Variants in PDE4D observed in about 807,000 individuals in gnomAD.
The protein encoded by PDE4D is 3',5'-cyclic-AMP phosphodiesterase 4D.
In PDE4D, 24 loss-of-function variants were observed where a neutral mutation model predicts 87.4. That is an observed-to-expected ratio of 0.27 (90% confidence interval 0.20 to 0.39). PDE4D has a LOEUF of 0.39. PDE4D is among the 10% of genes least tolerant of loss of function. The pLI, the probability that PDE4D is intolerant of heterozygous loss-of-function variation, is 1.00. For synonymous variants in PDE4D, 384 were observed against 383.2 expected (o/e 1.00, Z -0.02); for missense variants, 714 against 1,041.0 (o/e 0.69, Z 4.32).
chr5:60,160,786 T>A, intron 2 of PDE4D: 1 of 451,720 alleles, frequency 2.2e-6, no homozygotes, highest in Non-Finnish European at 4.4e-6. Flanking sequence ...CTAGTATTCC[T>A]GTCTTCCTCT....
chr5:59,724,459 G>C (rs990450215), intron 1 of PDE4D, among the ~76,000 whole-genome samples: 2 of 152,064 alleles, frequency 1.3e-5, no homozygotes, highest in Admixed American at 6.6e-5. Flanking sequence ...TTGTCACCCA[G>C]GTAATGGGCA....
At chr5:59,487,757 A>G (rs1167183028) in intron 1 of PDE4D, among the ~76,000 whole-genome samples, 1 of 152,136 alleles carries the variant, frequency 6.6e-6, no homozygotes, top group Admixed American at 6.5e-5. Flanking sequence ...TTTCAAAGCA[A>G]CCTCTGAATT....
intron 1 of PDE4D, among the ~76,000 whole-genome samples, chr5:59,786,034 G>A (rs1399825489): frequency 6.6e-6 from 1 of 152,106 alleles, no homozygotes; most frequent in Non-Finnish European, 1.5e-5. Context: ...TCTTCTGGTA[G>A]GTGAACAGAA....
chr5:59,636,671 T>C (rs1326771794), intron 1 of PDE4D, among the ~76,000 whole-genome samples: 2 of 152,202 alleles, frequency 1.3e-5, no homozygotes, highest in East Asian at 3.9e-4. Context: ...CCCTATTTAA[T>C]AAATGCTGTT....
chr5:59,288,073 C>T (rs975651910), intron 1 of PDE4D, among the ~76,000 whole-genome samples: 4 of 151,944 alleles, frequency 2.6e-5, no homozygotes, highest in African/African-American at 4.8e-5. Flanking sequence ...CGAACATCCA[C>T]AAGCATAAAG....
chr5:59,835,903 T>G (rs1400427699), intron 1 of PDE4D, among the ~76,000 whole-genome samples: 2 of 152,050 alleles, frequency 1.3e-5, no homozygotes, highest in African/African-American at 2.4e-5. Context: ...ATTAATATAA[T>G]TTGGTAGTGC....
At chr5:59,935,779 C>A (rs1308857298) in intron 3 of PDE4D, among the ~76,000 whole-genome samples, 2 of 152,104 alleles carry the variant, frequency 1.3e-5, no homozygotes, top group Admixed American at 1.3e-4. Context: ...CTACAAAGGA[C>A]ATGAACTCAT....
intron 1 of PDE4D, among the ~76,000 whole-genome samples, chr5:59,447,967 G>A (rs974030999): frequency 1.3e-5 from 2 of 152,182 alleles, no homozygotes; most frequent in Non-Finnish European, 2.9e-5. Context: ...ATATCATCCA[G>A]CCAAGAACAA....
chr5:59,273,123 G>GA (rs1437540508), intron 1 of PDE4D, among the ~76,000 whole-genome samples: 1 of 152,094 alleles, frequency 6.6e-6, no homozygotes, highest in African/African-American at 2.4e-5. Context: ...ATAAACATCT[G>GA]AAAAAGAGAT....
At chr5:59,133,443 C>T (rs909516215) in intron 5 of PDE4D, among the ~76,000 whole-genome samples, 20 of 152,136 alleles carry the variant, frequency 1.3e-4, no homozygotes, top group African/African-American at 4.6e-4. Context: ...GCATTTGGCA[C>T]AACACCTGGT....
intron 3 of PDE4D, among the ~76,000 whole-genome samples, chr5:59,933,791 TTA>T (rs1491032910): frequency 5.9e-5 from 6 of 101,560 alleles, no homozygotes; most frequent in African/African-American, 2.7e-4. Flanking sequence ...TATATATATA[TTA>T]ATAAGCATTC....
At position 59,870,487 on chromosome 5, in the gene PDE4D, T is replaced by G. The variant is rs539016747; in HGVS notation, c.455+22681A>C. Among the ~76,000 whole-genome samples the G allele has an allele frequency of 9.2e-5, 14 of 152,356 alleles. No homozygotes were observed. In the South Asian group the frequency reaches 1.7e-3, roughly 18 times the overall value. ...AATTTCATTCATTACAGACTCCTTT[T>G]CTTTTAACGTTGCTAAAAGCTTAAA... On this transcript the variant is annotated intron_variant, in intron 1 of 14. Transcript: ENST00000340635.
At chr5:60,108,594 A>C (rs1777312052) in intron 2 of PDE4D, among the ~76,000 whole-genome samples, 1 of 152,176 alleles carries the variant, frequency 6.6e-6, no homozygotes, top group Admixed American at 6.6e-5. Flanking sequence ...GCATCACGCT[A>C]CCTGACTTCA....
At chr5:59,008,442 T>G (rs61511922) in intron 6 of PDE4D, among the ~76,000 whole-genome samples, 15,725 of 152,004 alleles carry the variant, frequency 0.1, 1,289 homozygotes, top group East Asian at 0.47. Context: ...CTTTAATATG[T>G]GCATCTTAAA....
At chr5:59,935,265 A>AAAAT (rs1408236969) in intron 3 of PDE4D, among the ~76,000 whole-genome samples, 1 of 152,070 alleles carries the variant, frequency 6.6e-6, no homozygotes, top group Non-Finnish European at 1.5e-5. Context: ...GAGAGATGAG[A>AAAAT]AAATGTCAGA....
chr5:60,006,962 T>C (rs1040843219), intron 2 of PDE4D, among the ~76,000 whole-genome samples: 3 of 152,034 alleles, frequency 2.0e-5, no homozygotes, highest in Non-Finnish European at 4.4e-5. Flanking sequence ...CATTCATTTC[T>C]AGAACTCAAA....
chr5:59,594,667 G>T (rs964813572), intron 1 of PDE4D, among the ~76,000 whole-genome samples: 1 of 151,988 alleles, frequency 6.6e-6, no homozygotes, highest in Non-Finnish European at 1.5e-5. Context: ...CTTTTATCCA[G>T]TACATGCCCA....
intron 5 of PDE4D, among the ~76,000 whole-genome samples, chr5:59,160,439 G>C (rs925539621): frequency 6.6e-6 from 1 of 151,738 alleles, no homozygotes; most frequent in Non-Finnish European, 1.5e-5. Context: ...TGTTGTCTTT[G>C]AGTTGGTTTC....
intron 1 of PDE4D, among the ~76,000 whole-genome samples, chr5:60,299,296 G>A (rs375859356): frequency 1.1e-4 from 17 of 152,314 alleles, no homozygotes; most frequent in East Asian, 5.8e-4. Context: ...CTTTGAAACC[G>A]TAAAGGGAAT....
Sources: gnomAD v4.1 joint callset for allele counts (sites outside exome capture counted in the v4.1 genomes callset) on GRCh38, gnomAD v4.1.1 for gene constraint, MANE v1.5 for transcripts, NCBI Gene and HGNC (gene_info 2026-07-23, HGNC 2026-07-21) for gene names.